MEIS1: variants seen among roughly 807,000 people sequenced by gnomAD.
MEIS1 encodes Meis homeobox 1, also known as homeobox protein Meis1.
In MEIS1, 5 loss-of-function variants were observed where a neutral mutation model predicts 50.8. That is an observed-to-expected ratio of 0.10 (90% CI 0.05 to 0.21). The LOEUF (loss-of-function observed/expected upper bound fraction) is 0.21. Ranked by LOEUF, MEIS1 falls within the 10% of genes least tolerant of loss-of-function variation. The probability of loss-of-function intolerance (pLI) is 1.00; values close to 1 mark genes in which losing one functional copy is unlikely to be tolerated. For missense variants in MEIS1, 318 were observed against 517.3 expected, an observed-to-expected ratio of 0.61 and a Z score of 3.74; for synonymous variants, 176 against 179.3, an observed-to-expected ratio of 0.98 and a Z score of 0.15.
At chr2:66,460,308 ATTCT>A (rs1672488560) in intron 6 of MEIS1, among the ~76,000 whole-genome samples, 2 of 152,174 alleles carry the variant, frequency 1.3e-5, no homozygotes, top group Non-Finnish European at 2.9e-5. Context: ...AGGGGAGCTC[ATTCT>A]TTCTATTTTA....
chr2:66,546,023 T>C (rs1336237908), intron 8 of MEIS1, among the ~76,000 whole-genome samples: 1 of 152,200 alleles, frequency 6.6e-6, no homozygotes, highest in Non-Finnish European at 1.5e-5. Flanking sequence ...TGTCCCAGTC[T>C]GGGCTTTGAG....
At chr2:66,543,860 G>A (rs1424382208) in intron 8 of MEIS1, among the ~76,000 whole-genome samples, 1 of 152,186 alleles carries the variant, frequency 6.6e-6, no homozygotes, top group Admixed American at 6.5e-5. Context: ...ACACAACAAA[G>A]GCGAGGTCTC....
At chr2:66,448,920 C>G (rs1672217409) in intron 6 of MEIS1, among the ~76,000 whole-genome samples, 1 of 152,076 alleles carries the variant, frequency 6.6e-6, no homozygotes, top group African/African-American at 2.4e-5. Context: ...GTTACACAGT[C>G]TTAAATGTTT....
At chr2:66,485,268 C>T (rs1050897572) in intron 7 of MEIS1, among the ~76,000 whole-genome samples, 7 of 152,046 alleles carry the variant, frequency 4.6e-5, no homozygotes, top group South Asian at 2.1e-4. Flanking sequence ...CACCCCACCC[C>T]GACAGGCCCC....
At chr2:66,498,417 C>T (rs1288738000) in intron 7 of MEIS1, among the ~76,000 whole-genome samples, 2 of 152,006 alleles carry the variant, frequency 1.3e-5, no homozygotes, top group Non-Finnish European at 2.9e-5. Flanking sequence ...TACATGAGCC[C>T]AGACAAAGAA....
chr2:66,471,416 C>T (rs960391350), intron 7 of MEIS1, among the ~76,000 whole-genome samples: 1 of 152,172 alleles, frequency 6.6e-6, no homozygotes, highest in Non-Finnish European at 1.5e-5. Context: ...ATGTCAATGA[C>T]GTCTGTCTAC....
intron 6 of MEIS1, among the ~76,000 whole-genome samples, chr2:66,445,919 C>G (rs1475859377): frequency 6.6e-6 from 1 of 152,188 alleles, no homozygotes; most frequent in Admixed American, 6.5e-5. Flanking sequence ...CACTCCCAGT[C>G]TTCCGGGCCG....
Position 66,437,031 on chromosome 2 carries a change from A to G in MEIS1, c.13-706A>G, listed in dbSNP as rs940195665. 9.3e-5 allele frequency: 80 copies of G among 862,710 alleles called. No individual in the cohort carries two copies. In the Admixed American group the frequency reaches 1.2e-3, roughly 13 times the overall value. 53.4% of individuals were successfully genotyped at this position (862,710 alleles called of 1,614,324 possible). A position where few individuals can be genotyped will look rare whatever the true frequency, so the allele number is the denominator to read the frequency against. Reference sequence around the variant, plus strand: ...AAATAGAATATTAGCTGCTTCAACTATAGATTTTCTTTAACTTTGGGGGTG... The same window carrying G: ...AAATAGAATATTAGCTGCTTCAACTGTAGATTTTCTTTAACTTTGGGGGTG... On this transcript the variant is annotated intron_variant, in intron 1 of 12. Transcript: ENST00000272369.
At chr2:66,454,125 G>A (rs1274138961) in intron 6 of MEIS1, among the ~76,000 whole-genome samples, 2 of 152,016 alleles carry the variant, frequency 1.3e-5, no homozygotes, top group Non-Finnish European at 2.9e-5. Context: ...TTGAGTTACT[G>A]TAAGAACTAA....
At position 66,513,176 on chromosome 2, in the gene MEIS1, T is replaced by C. The variant is rs563133066; in HGVS notation, c.888+882T>C. On this transcript the variant is annotated intron_variant, in intron 8 of 12. Coordinates refer to ENST00000272369, the MANE Select transcript of MEIS1 (RefSeq NM_002398.3). Reference sequence around the variant, plus strand: ...TCAACAAAATTGTTGACCAGAGGAATTTCAATATTAGAGACAAAGGATGAA... The same window carrying C: ...TCAACAAAATTGTTGACCAGAGGAACTTCAATATTAGAGACAAAGGATGAA... Among the ~76,000 whole-genome samples, 3 of 152,304 alleles carry C rather than the reference T, an allele frequency of 2.0e-5. No homozygotes were observed. In the South Asian group the frequency reaches 6.2e-4, roughly 32 times the overall value.
At chr2:66,478,814 T>G (rs1040919151) in intron 7 of MEIS1, among the ~76,000 whole-genome samples, 3 of 152,332 alleles carry the variant, frequency 2.0e-5, no homozygotes, top group Non-Finnish European at 4.4e-5. Flanking sequence ...ATGGTTGTAT[T>G]GAGCTACACA....
At chr2:66,485,326 C>T (rs1476522631) in intron 7 of MEIS1, among the ~76,000 whole-genome samples, 1 of 152,112 alleles carries the variant, frequency 6.6e-6, no homozygotes, top group Admixed American at 6.6e-5. Flanking sequence ...CATTGTTCAC[C>T]TCCCACTTAT....
Position 66,547,990 on chromosome 2 carries a change from G to A in MEIS1, c.936G>A (p.Thr312=), listed in dbSNP as rs778341280. The A allele has an allele frequency of 1.3e-5, 21 of 1,612,900 alleles. No individual in the cohort carries two copies. The highest frequency in any genetic ancestry group is 6.7e-5 in the African/African-American group (5 of 74,856). The change falls in exon 9 of 13, where the codon ACG becomes ACA. Residue 312 remains threonine, a synonymous_variant. Coordinates refer to ENST00000272369, the MANE Select transcript of MEIS1 (RefSeq NM_002398.3). ...AGAAAAAGCAGTTGGCACAAGACAC[G>A]GGACTCACCATCCTTCAAGTGAACA... is the stretch of plus-strand genomic sequence containing the variant. ...EEQKKQLAQD[T]GLTILQVNNW...
chr2:66,546,391 G>C (rs189444879), intron 8 of MEIS1, among the ~76,000 whole-genome samples: 1 of 152,330 alleles, frequency 6.6e-6, no homozygotes, highest in Non-Finnish European at 1.5e-5. Context: ...GATGGTGACA[G>C]GCCTTGCAGG....
intron 7 of MEIS1, among the ~76,000 whole-genome samples, chr2:66,469,416 A>G (rs528305607): frequency 1.2e-4 from 19 of 152,292 alleles, no homozygotes; most frequent in Middle Eastern, 3.4e-3. Context: ...CTGTGAAGCC[A>G]GCAGGCAGAG....
At chr2:66,459,053 T>G (rs1672461133) in intron 6 of MEIS1, among the ~76,000 whole-genome samples, 1 of 151,526 alleles carries the variant, frequency 6.6e-6, no homozygotes, top group African/African-American at 2.4e-5. Context: ...AAGCAAAGAG[T>G]GAAAGGCTAG....
chr2:66,437,885 C>G lies in MEIS1; in HGVS notation c.161C>G (p.Ala54Gly). The G allele has an allele frequency of 6.2e-7, 1 of 1,611,552 alleles. No homozygotes were observed. Among genetic ancestry groups the G allele is most frequent in the Non-Finnish European group, 8.5e-7 (1 of 1,178,748 alleles). ...PLHSHQYPHT[A>G]HTNAMAPSMG... ...CACTCGCATCAGTACCCGCACACAG[C>G]TCATACCAACGCCATGGCCCCCAGC... Residue 54 changes from alanine to glycine, a missense_variant, in exon 2 of 13, where the codon GCT (alanine) becomes GGT (glycine). By Grantham distance (60) the Ala-to-Gly change is moderately conservative. This residue lies in a region of MEIS1 where 100 missense variants were observed against 107.1 expected (regional missense o/e 0.93). Transcript: ENST00000272369.
At chr2:66,495,933 C>T (rs1297292604) in intron 7 of MEIS1, 1 of 152,430 alleles carries the variant, frequency 6.6e-6, no homozygotes, top group African/African-American at 2.4e-5. Context: ...AGAAGGAATT[C>T]TAGGCCACAG....
chr2:66,486,149 G>A (rs1361548683), intron 7 of MEIS1, among the ~76,000 whole-genome samples: 1 of 152,140 alleles, frequency 6.6e-6, no homozygotes, highest in East Asian at 1.9e-4. Context: ...TGCTTTTGGT[G>A]TTTTAGTCAG....
Sources: allele counts gnomAD v4.1 joint callset (sites outside exome capture counted in the v4.1 genomes callset), GRCh38; gene constraint gnomAD v4.1.1; regional missense constraint gnomAD v4.1.1; transcripts MANE v1.5; gene names NCBI Gene and HGNC (gene_info 2026-07-23, HGNC 2026-07-21).